CEP295: variants seen among roughly 807,000 people sequenced by gnomAD.
The protein encoded by CEP295 is centrosomal protein 295.
In CEP295, 190 loss-of-function variants were observed where a neutral mutation model predicts 291.6. That is an observed-to-expected ratio of 0.65 (90% CI 0.58 to 0.73). The LOEUF (loss-of-function observed/expected upper bound fraction) is 0.73. CEP295 is among the 30% of genes least tolerant of loss of function. CEP295 has a pLI of 0.00. For missense variants in CEP295, 2,863 were observed against 2,949.4 expected, an observed-to-expected ratio of 0.97 and a Z score of 0.68; for synonymous variants, 993 against 1,038.8, an observed-to-expected ratio of 0.96 and a Z score of 0.85.
At chr11:93,663,786 T>G (rs1035748181) in intron 1 of CEP295, among the ~76,000 whole-genome samples, 20 of 152,228 alleles carry the variant, frequency 1.3e-4, no homozygotes, top group African/African-American at 3.9e-4. Flanking sequence ...AATAATCCTC[T>G]GAGATGAAGT....
At chr11:93,712,033 A>G (rs1013567419) in intron 18 of CEP295, among the ~76,000 whole-genome samples, 6 of 152,050 alleles carry the variant, frequency 3.9e-5, no homozygotes, top group African/African-American at 7.2e-5. Context: ...GATCTATCCA[A>G]TGCTGAAAGT....
intron 17 of CEP295, among the ~76,000 whole-genome samples, chr11:93,703,767 C>CTTTTT (rs748490554): frequency 3.1e-5 from 4 of 127,936 alleles, no homozygotes; most frequent in Admixed American, 8.1e-5. Flanking sequence ...CCCTGTAATT[C>CTTTTT]TTTTTTTTTT....
rs1565178944 is a variant in CEP295, at chr11:93,696,931, T to C, written c.2019T>C (p.His673=). The change falls in exon 15 of 30, where the codon CAT becomes CAC. Residue 673 remains histidine, a synonymous_variant. Coordinates refer to ENST00000325212, the MANE Select transcript of CEP295 (RefSeq NM_033395.2). The part of the protein sequence containing the change: ...PIQTSKLEQD[H]FQVARQNHFP... ...AGACCTCCAAATTAGAACAAGATCA[T>C]TTTCAGGTAGCGAGACAAAATCACT... The C allele has an allele frequency of 1.3e-6, 2 of 1,552,034 alleles. No individual in the cohort carries two copies. The highest frequency in any genetic ancestry group is 8.7e-7 in the Non-Finnish European group (1 of 1,147,076).
chr11:93,697,427 A>G lies in CEP295; in HGVS notation c.2515A>G (p.Asn839Asp). The stretch of plus-strand genomic sequence containing the variant: ...TGATAGGCCTTTGCTGCCGTCAGAG[A>G]ATATCACAGCCCAGCAAGGTAATAT... ...MHDRPLLPSE[N>D]ITAQQGNMKA... Residue 839 changes from asparagine (N) to aspartate (D), a missense_variant, in exon 15 of 30, where the codon AAT becomes GAT. Transcript: ENST00000325212. 2 of 1,552,244 alleles carry G rather than the reference A, an allele frequency of 1.3e-6. No homozygotes were observed. The highest frequency in any genetic ancestry group is 1.7e-6 in the Non-Finnish European group (2 of 1,147,106).
chr11:93,675,467 A>T (rs949458305), intron 5 of CEP295, 104 bp from the exon 6 acceptor site: 5 of 538,664 alleles, frequency 9.3e-6, no homozygotes, highest in African/African-American at 8.0e-5. Context: ...CATGTTTTGG[A>T]TGCGGAGAAC....
chr11:93,696,871 G>A lies in CEP295; in HGVS notation c.1959G>A (p.Leu653=). The A allele has an allele frequency of 3.2e-6, 5 of 1,551,792 alleles. No homozygotes were observed. Among genetic ancestry groups the A allele is most frequent in the South Asian group, 1.2e-5 (1 of 84,056 alleles). ...EHWDQGQRLK[L]SPNKYQPIQP... The stretch of plus-strand genomic sequence containing the variant: ...GGGATCAAGGTCAGAGACTCAAGTT[G>A]AGTCCTAACAAATACCAACCCATAC... The change falls in exon 15 of 30, where the codon TTG becomes TTA. Residue 653 remains leucine (L), a synonymous_variant. Transcript: ENST00000325212.
intron 18 of CEP295, among the ~76,000 whole-genome samples, chr11:93,711,317 T>C (rs1952880596): frequency 6.6e-6 from 1 of 152,186 alleles, no homozygotes; most frequent in African/African-American, 2.4e-5. Context: ...ATTATTTGTT[T>C]CAAGAAATTT....
intron 18 of CEP295, among the ~76,000 whole-genome samples, chr11:93,720,619 G>T (rs1591144584): frequency 6.6e-6 from 1 of 152,096 alleles, no homozygotes; most frequent in Non-Finnish European, 1.5e-5. Context: ...TTGAGACGGG[G>T]TCTGGCTCTG....
intron 7 of CEP295, 120 bp downstream of exon 7, chr11:93,679,672 T>A (rs1950868217): frequency 1.4e-6 from 1 of 715,160 alleles, no homozygotes; most frequent in South Asian, 4.8e-5. Context: ...TAGTCTCTGA[T>A]TCATATGATT....
chr11:93,703,161 A>G (rs941151368), intron 17 of CEP295, among the ~76,000 whole-genome samples: 2 of 152,074 alleles, frequency 1.3e-5, no homozygotes, highest in African/African-American at 4.8e-5. Flanking sequence ...ACAGGGTTTC[A>G]CCATATTGGC....
Position 93,729,779 on chromosome 11 carries a change from T to C in CEP295, c.7565T>C (p.Ile2522Thr). 6.5e-7 allele frequency: 1 copy of C among 1,539,732 alleles called. No individual in the cohort carries two copies. The highest frequency in any genetic ancestry group is 8.8e-7 in the Non-Finnish European group (1 of 1,141,858). The part of the protein sequence containing the change: ...QIKTVKEKPS[I>T]SSSVSRLKGV... The stretch of plus-strand genomic sequence containing the variant: ...AAAACAGTTAAAGAGAAACCATCTA[T>C]AAGTATGTTGAATTTTTAAAATCTT... The change falls in exon 27 of 30, where the codon ATA becomes ACA. Residue 2522 changes from isoleucine (I) to threonine (T), a missense_variant and splice_region_variant. Ile to Thr is a moderately conservative substitution (Grantham distance 89). Coordinates refer to ENST00000325212, the MANE Select transcript of CEP295 (RefSeq NM_033395.2).
chr11:93,693,431 A>G (rs1026101749), intron 12 of CEP295, among the ~76,000 whole-genome samples: 1 of 152,184 alleles, frequency 6.6e-6, no homozygotes, highest in African/African-American at 2.4e-5. Context: ...GCTGGGGAAT[A>G]ATTCCGTGAG....
At chr11:93,674,746 AT>A (rs1447160787) in intron 5 of CEP295, among the ~76,000 whole-genome samples, 18 of 152,236 alleles carry the variant, frequency 1.2e-4, no homozygotes, top group African/African-American at 4.3e-4. Context: ...CTTTGTGGAT[AT>A]TTTTTTCATC....
At chr11:93,686,337 T>C (rs548524467) in intron 9 of CEP295, among the ~76,000 whole-genome samples, 119 of 152,074 alleles carry the variant, frequency 7.8e-4, no homozygotes, top group African/African-American at 2.5e-3. Context: ...AAAAAGATAT[T>C]TTTACTCTTT....
chr11:93,688,827 C>T (rs893247686), intron 10 of CEP295, among the ~76,000 whole-genome samples: 2 of 152,016 alleles, frequency 1.3e-5, no homozygotes, highest in African/African-American at 4.8e-5. Flanking sequence ...TAACTGTTTC[C>T]TTCTCTTGTA....
intron 15 of CEP295, among the ~76,000 whole-genome samples, chr11:93,701,945 TTTG>T (rs201375647): frequency 1.6e-4 from 24 of 150,408 alleles, no homozygotes; most frequent in East Asian, 4.1e-4. Context: ...GGTTGTTGTT[TTTG>T]TTGTTGTTGT....
intron 6 of CEP295, among the ~76,000 whole-genome samples, chr11:93,676,100 A>G (rs973040450): frequency 6.6e-5 from 10 of 152,054 alleles, no homozygotes; most frequent in Non-Finnish European, 1.5e-4. Context: ...TGGCCACTTA[A>G]TATTTCATGG....
chr11:93,721,955 C>T lies in CEP295; in HGVS notation c.5852C>T (p.Ala1951Val). Residue 1951 changes from alanine to valine, a missense_variant and splice_region_variant, in exon 20 of 30, where the codon GCT becomes GTT. Around this residue, in one of 3 missense-constraint regions of CEP295, gnomAD observed 2,295 missense variants for 2,335.7 expected, o/e 0.98. Coordinates refer to ENST00000325212, the MANE Select transcript of CEP295 (RefSeq NM_033395.2). ...LGPTVKPDDK[A>V]KTLSYEPLSS... Reference sequence around the variant, plus strand: ...TATGATATTCCCCTTAATTTCTAGGCTAAAACACTGTCTTATGAACCATTA... The same window carrying T: ...TATGATATTCCCCTTAATTTCTAGGTTAAAACACTGTCTTATGAACCATTA... The T allele has an allele frequency of 6.2e-7, 1 of 1,607,526 alleles. No individual in the cohort carries two copies. The highest frequency in any genetic ancestry group is 8.5e-7 in the Non-Finnish European group (1 of 1,174,626).
chr11:93,689,903 T>C (rs1951432084), intron 10 of CEP295, among the ~76,000 whole-genome samples: 1 of 152,190 alleles, frequency 6.6e-6, no homozygotes, highest in Admixed American at 6.5e-5. Context: ...ATATGATATT[T>C]AAAGCCATGG....
Sources: gnomAD v4.1 joint callset for allele counts (sites outside exome capture counted in the v4.1 genomes callset) on GRCh38, gnomAD v4.1.1 for gene constraint, gnomAD v4.1.1 regional missense constraint, MANE v1.5 for transcripts, NCBI Gene and HGNC (gene_info 2026-07-23, HGNC 2026-07-21) for gene names.